MGAT4C: variants seen among roughly 807,000 people sequenced by gnomAD.
MGAT4C encodes alpha-1,3-mannosyl-glycoprotein 4-beta-N-acetylglucosaminyltransferase C.
In MGAT4C, 19 loss-of-function variants were observed where a neutral mutation model predicts 40.1. That is an observed-to-expected ratio of 0.47 (90% confidence interval 0.33 to 0.70). The LOEUF is 0.70. Among genes scored for constraint, MGAT4C ranks in the 30% least tolerant of loss-of-function variants. MGAT4C has a pLI of 0.02. For missense variants in MGAT4C, 491 were observed against 563.2 expected (o/e 0.87, Z 1.30); for synonymous variants, 181 against 187.1 (o/e 0.97, Z 0.27).
intron 2 of MGAT4C, among the ~76,000 whole-genome samples, chr12:86,600,655 C>T (rs1205084691): frequency 1.3e-5 from 2 of 152,202 alleles, no homozygotes; most frequent in African/African-American, 2.4e-5. Context: ...TTGGAGCAGC[C>T]GCTGTGAAGA....
intron 2 of MGAT4C, among the ~76,000 whole-genome samples, chr12:86,630,210 T>C (rs1420819506): frequency 6.6e-6 from 1 of 152,088 alleles, no homozygotes; most frequent in Non-Finnish European, 1.5e-5. Context: ...CAGGAAGAAG[T>C]TGACCCCCTG....
chr12:85,988,428 C>T (rs1885497873), intron 3 of MGAT4C, among the ~76,000 whole-genome samples: 1 of 151,728 alleles, frequency 6.6e-6, no homozygotes, highest in African/African-American at 2.4e-5. Flanking sequence ...TTTGGAAATA[C>T]TCTCTCTCTT....
intron 1 of MGAT4C, among the ~76,000 whole-genome samples, chr12:86,138,477 C>CCATATATATATTTCTATATATATAT (rs1882303360): frequency 8.0e-6 from 1 of 125,058 alleles, no homozygotes; most frequent in Non-Finnish European, 1.6e-5. Flanking sequence ...CCATATATAT[C>CCATATATATATTTCTATATATATAT]CATATATATA....
At chr12:86,707,596 T>C (rs1182609247) in intron 2 of MGAT4C, among the ~76,000 whole-genome samples, 2 of 151,024 alleles carry the variant, frequency 1.3e-5, no homozygotes, top group African/African-American at 4.9e-5. Context: ...AGTGGCACAA[T>C]CACAGCTCAC....
intron 2 of MGAT4C, among the ~76,000 whole-genome samples, chr12:86,660,815 T>C (rs1963963368): frequency 6.6e-6 from 1 of 152,174 alleles, no homozygotes; most frequent in Non-Finnish European, 1.5e-5. Flanking sequence ...CTATATACCA[T>C]CTTTTTCTGA....
intron 2 of MGAT4C, among the ~76,000 whole-genome samples, chr12:86,447,390 A>G (rs1957358132): frequency 6.6e-6 from 1 of 152,026 alleles, no homozygotes; most frequent in African/African-American, 2.4e-5. Context: ...CTCCCAAAGT[A>G]TCATTCTGTT....
rs544560166 is a variant in MGAT4C at position 86,556,870 on chromosome 12, C to T, written c.-228-121605G>A. 1.8e-4 allele frequency among the ~76,000 whole-genome samples: 27 copies of T among 152,136 alleles called. No homozygotes were observed. The East Asian group carries it at 3.5e-3, about 20-fold the overall frequency. On this transcript the variant is annotated intron_variant, in intron 2 of 7. Coordinates refer to the MGAT4C transcript ENST00000548651. Reference sequence around the variant, plus strand: ...CAACTATTCAGTTACAAATGTTGCACGTTACATTAATATTATAAGACCTTT... The same window carrying T: ...CAACTATTCAGTTACAAATGTTGCATGTTACATTAATATTATAAGACCTTT...
intron 3 of MGAT4C, among the ~76,000 whole-genome samples, chr12:86,354,025 T>C (rs1955245537): frequency 6.6e-6 from 1 of 152,174 alleles, no homozygotes; most frequent in African/African-American, 2.4e-5. Context: ...TATGTATGTG[T>C]GGAACTGAAC....
At chr12:86,201,997 C>G (rs969163297) in intron 1 of MGAT4C, among the ~76,000 whole-genome samples, 2 of 98,538 alleles carry the variant, frequency 2.0e-5, no homozygotes, top group African/African-American at 6.6e-5. Flanking sequence ...GACCATGTAT[C>G]CAGTGAATTT....
chr12:86,326,155 C>CTG (rs1300144978), intron 4 of MGAT4C, among the ~76,000 whole-genome samples: 1 of 151,600 alleles, frequency 6.6e-6, no homozygotes, highest in East Asian at 1.9e-4. Flanking sequence ...TTATATTAAG[C>CTG]GGCCAACAAA....
chr12:86,479,700 T>A (rs1402316566), intron 2 of MGAT4C, among the ~76,000 whole-genome samples: 1 of 151,952 alleles, frequency 6.6e-6, no homozygotes, highest in African/African-American at 2.4e-5. Context: ...TTTATGGTAC[T>A]CTTTGTAAGC....
intron 4 of MGAT4C, among the ~76,000 whole-genome samples, chr12:86,314,697 C>A (rs1408748419): frequency 6.6e-6 from 1 of 152,158 alleles, no homozygotes; most frequent in Non-Finnish European, 1.5e-5. Context: ...ATAGCATTTC[C>A]CCAACAACAT....
At chr12:86,357,081 C>A (rs951534201) in intron 3 of MGAT4C, among the ~76,000 whole-genome samples, 1 of 152,138 alleles carries the variant, frequency 6.6e-6, no homozygotes. Context: ...CAGTAGGGGC[C>A]GACTGACACC....
intron 3 of MGAT4C, among the ~76,000 whole-genome samples, chr12:86,378,063 A>C (rs1478400499): frequency 6.6e-6 from 1 of 152,140 alleles, no homozygotes; most frequent in Non-Finnish European, 1.5e-5. Context: ...AAGTTGAATG[A>C]TATTCCACTG....
At chr12:86,417,794 GATA>G (rs1956746324) in intron 3 of MGAT4C, among the ~76,000 whole-genome samples, 1 of 151,998 alleles carries the variant, frequency 6.6e-6, no homozygotes, top group Non-Finnish European at 1.5e-5. Context: ...TGATAATGAT[GATA>G]ATAATAAGAC....
chr12:86,432,741 A>G (rs1957064844), intron 3 of MGAT4C, among the ~76,000 whole-genome samples: 1 of 152,142 alleles, frequency 6.6e-6, no homozygotes, highest in Non-Finnish European at 1.5e-5. Context: ...AGTAATAAAA[A>G]CTTTTCTACA....
rs549566025 is a variant in MGAT4C at position 86,008,256 on chromosome 12, T to C, written c.-6-18704A>G. On this transcript the variant is annotated intron_variant, in intron 2 of 4. Transcript: ENST00000611864. ...AGAATTTGCTGGTTGTACAAATAAA[T>C]TATTTGAATCTAAAAATACATTTTT... is the stretch of plus-strand genomic sequence containing the variant. Among the ~76,000 whole-genome samples the C allele has an allele frequency of 2.9e-4, 44 of 152,172 alleles. 2 individuals carry two copies. The East Asian group carries it at 8.5e-3, about 29-fold the overall frequency.
intron 2 of MGAT4C, chr12:86,495,455 C>T (rs1418949946): frequency 6.6e-6 from 1 of 151,908 alleles, no homozygotes; most frequent in East Asian, 1.9e-4. Context: ...ATTTATTTTC[C>T]ACATCTATAG....
chr12:86,061,017 A>T (rs765838649), intron 1 of MGAT4C, among the ~76,000 whole-genome samples: 1 of 152,204 alleles, frequency 6.6e-6, no homozygotes, highest in Admixed American at 6.5e-5. Flanking sequence ...GAGTAGAGGA[A>T]GAAAGCCTTG....
Sources: gnomAD v4.1 joint callset for allele counts (sites outside exome capture counted in the v4.1 genomes callset) on GRCh38, gnomAD v4.1.1 for gene constraint, MANE v1.5 for transcripts, NCBI Gene and HGNC (gene_info 2026-07-23, HGNC 2026-07-21) for gene names.